Variants in C3orf20 observed in about 807,000 individuals in gnomAD.
The protein encoded by C3orf20 is uncharacterized protein C3orf20.
A neutral mutation model predicts 88.3 loss-of-function variants in C3orf20; 76 were observed. The observed-to-expected ratio is 0.86, with a 90% confidence interval of 0.72 to 1.04. The LOEUF is 1.04. Ranked by LOEUF, C3orf20 falls within the 50% of genes least tolerant of loss-of-function variation. C3orf20 has a pLI of 0.00. For missense variants in C3orf20, 1,056 were observed against 1,123.3 expected, an observed-to-expected ratio of 0.94 and a Z score of 0.86; for synonymous variants, 436 against 437.4, an observed-to-expected ratio of 1.00 and a Z score of 0.04.
Position 14,704,564 on chromosome 3 carries a change from C to T in C3orf20, c.1106C>T (p.Pro369Leu). 6.2e-7 allele frequency: 1 copy of T among 1,614,068 alleles called. No individual in the cohort carries two copies. Among genetic ancestry groups the T allele is most frequent in the Non-Finnish European group, 8.5e-7 (1 of 1,180,010 alleles). The change falls in exon 7 of 17, where the codon CCC (proline) becomes CTC (leucine). Residue 369 changes from proline to leucine, a missense_variant. Coordinates refer to ENST00000253697, the MANE Select transcript of C3orf20 (RefSeq NM_032137.5). ...FSQHCQEGKA[P>L]KKAFKFHYTF... ...CAGCATTGTCAAGAGGGGAAGGCAC[C>T]CAAGAAGGCCTTCAAGTTTCATTAC... is the stretch of plus-strand genomic sequence containing the variant.
rs916814439 is a variant in C3orf20 at position 14,695,344 on chromosome 3, C to T, written c.745+5228C>T. On this transcript the variant is annotated intron_variant, in intron 5 of 16. Coordinates refer to ENST00000253697, the MANE Select transcript of C3orf20 (RefSeq NM_032137.5). ...TCTAGTTTTATTCCATTGTGGTCAG[C>T]GAAGATGGTTGCTGTTATTTCAGGT... Among the ~76,000 whole-genome samples, 9 of 151,628 alleles carry T rather than the reference C, an allele frequency of 5.9e-5. No individual in the cohort carries two copies. The East Asian group carries it at 9.6e-4, about 16-fold the overall frequency.
At chr3:14,727,510 G>T (rs1287191150) in intron 11 of C3orf20, among the ~76,000 whole-genome samples, 1 of 151,986 alleles carries the variant, frequency 6.6e-6, no homozygotes, top group South Asian at 2.1e-4. Context: ...GGCCAGCATG[G>T]GTGGCCTCAG....
At chr3:14,681,967 G>A (rs530790864) in intron 1 of C3orf20, among the ~76,000 whole-genome samples, 11 of 152,286 alleles carry the variant, frequency 7.2e-5, no homozygotes, top group African/African-American at 2.6e-4. Flanking sequence ...ATAGTCCATT[G>A]ATTTTCAGGC....
intron 12 of C3orf20, among the ~76,000 whole-genome samples, chr3:14,754,538 G>A (rs1316929791): frequency 1.3e-5 from 2 of 152,150 alleles, no homozygotes; most frequent in Non-Finnish European, 2.9e-5. Context: ...TCTTAATTAA[G>A]CATTCCTCTG....
At chr3:14,750,668 A>T (rs1312357556) in intron 12 of C3orf20, among the ~76,000 whole-genome samples, 1 of 152,042 alleles carries the variant, frequency 6.6e-6, no homozygotes, top group Non-Finnish European at 1.5e-5. Context: ...CTCATGAGTA[A>T]TTGGCTATTA....
At chr3:14,755,295 T>A (rs184055274) in intron 12 of C3orf20, among the ~76,000 whole-genome samples, 1 of 152,340 alleles carries the variant, frequency 6.6e-6, no homozygotes, top group East Asian at 1.9e-4. Flanking sequence ...TTTTCTTTCA[T>A]GTAGTTGACT....
chr3:14,772,701 G>A lies in C3orf20; in HGVS notation c.2631-90G>A. On this transcript the variant is annotated intron_variant, in intron 16 of 16. Transcript: ENST00000253697. This position sits in a 1 kb window ranked among gnomAD's most constrained non-coding sequence, Gnocchi z 4.2. Reference sequence around the variant, plus strand: ...CAGCCTCACCTGTGCAAGGGAGAGGGCCTTGCCCCTCCTGGCCCAACCGGG... The same window carrying A: ...CAGCCTCACCTGTGCAAGGGAGAGGACCTTGCCCCTCCTGGCCCAACCGGG... The A allele has an allele frequency of 9.8e-7, 1 of 1,015,564 alleles. No individual in the cohort carries two copies. The highest frequency in any genetic ancestry group is 1.5e-6 in the Non-Finnish European group (1 of 652,246). The allele number at this position is 1,015,564 out of a possible 1,614,324, so 62.9% of individuals were successfully genotyped here. A position where few individuals can be genotyped will look rare whatever the true frequency, so the allele number is the denominator to read the frequency against.
intron 12 of C3orf20, among the ~76,000 whole-genome samples, chr3:14,729,526 A>G (rs545554907): frequency 6.6e-6 from 1 of 152,300 alleles, no homozygotes; most frequent in South Asian, 2.1e-4. Context: ...GCCATTCCAT[A>G]AGGAAGTGAC....
chr3:14,766,811 C>T (rs1025264099), intron 15 of C3orf20, among the ~76,000 whole-genome samples: 5 of 152,280 alleles, frequency 3.3e-5, no homozygotes, highest in African/African-American at 9.6e-5. Flanking sequence ...AGAGGTGGGG[C>T]GCCAGGGTAG....
intron 4 of C3orf20, among the ~76,000 whole-genome samples, chr3:14,685,718 A>G (rs919566091): frequency 1.3e-5 from 2 of 151,856 alleles, no homozygotes; most frequent in Non-Finnish European, 2.9e-5. Flanking sequence ...CTCTGCTTCT[A>G]TGAGTTTGAG....
At chr3:14,694,425 T>C (rs971082995) in intron 5 of C3orf20, among the ~76,000 whole-genome samples, 2 of 152,164 alleles carry the variant, frequency 1.3e-5, no homozygotes, top group Non-Finnish European at 2.9e-5. Context: ...ATAGGTTGTA[T>C]GTGTCTAGGA....
At chr3:14,761,666 G>A (rs1376333524) in intron 15 of C3orf20, 51 bp downstream of exon 15, 3 of 1,605,090 alleles carry the variant, frequency 1.9e-6, no homozygotes, top group Admixed American at 1.7e-5. Flanking sequence ...AGGTATGGAG[G>A]GCAGAAAGGA....
intron 12 of C3orf20, among the ~76,000 whole-genome samples, chr3:14,751,333 C>G (rs2035213197): frequency 6.6e-6 from 1 of 152,128 alleles, no homozygotes; most frequent in Non-Finnish European, 1.5e-5. Context: ...TTCTGCATTT[C>G]CAACTAAGGT....
intron 15 of C3orf20, among the ~76,000 whole-genome samples, chr3:14,769,245 G>C (rs1302927998): frequency 6.6e-6 from 1 of 151,966 alleles, no homozygotes; most frequent in African/African-American, 2.4e-5. Context: ...GCAGAGGAGG[G>C]GACCTGGGAG....
intron 15 of C3orf20, among the ~76,000 whole-genome samples, chr3:14,770,877 G>C (rs185187784): frequency 6.6e-6 from 1 of 152,328 alleles, no homozygotes; most frequent in Admixed American, 6.5e-5. Context: ...TCCCAGGGCT[G>C]CTGTGAATCT....
At chr3:14,771,250 G>A (rs6762818) in intron 15 of C3orf20, among the ~76,000 whole-genome samples, 1,954 of 152,308 alleles carry the variant, frequency 0.013, 37 homozygotes, top group African/African-American at 0.044. Flanking sequence ...CCTTGATGAC[G>A]GGCTTCCCAG....
intron 11 of C3orf20, among the ~76,000 whole-genome samples, chr3:14,727,423 CT>C (rs1362452202): frequency 6.6e-6 from 1 of 152,182 alleles, no homozygotes; most frequent in East Asian, 1.9e-4. Flanking sequence ...CTCCTCCCTT[CT>C]TTTTGTGGAT....
Position 14,768,660 on chromosome 3 carries a change from G to A in C3orf20, c.2496-3407G>A, listed in dbSNP as rs2035783400. On this transcript the variant is annotated intron_variant, in intron 15 of 16. Coordinates refer to ENST00000253697, the MANE Select transcript of C3orf20 (RefSeq NM_032137.5). The surrounding 1 kb of genome is among the most constrained non-coding windows in gnomAD (Gnocchi z 4.1). Reference sequence around the variant, plus strand: ...TAAAACTACCTCTTTTCTGGACTGGGGCCTGAGGGGGCGCTGAGTAGAGAG... The same window carrying A: ...TAAAACTACCTCTTTTCTGGACTGGAGCCTGAGGGGGCGCTGAGTAGAGAG... Among the ~76,000 whole-genome samples, 1 of 151,966 alleles carries A rather than the reference G, an allele frequency of 6.6e-6. No homozygotes were observed. Among genetic ancestry groups the A allele is most frequent in the Non-Finnish European group, 1.5e-5 (1 of 68,014 alleles).
At chr3:14,677,998 A>G (rs565899889) in intron 1 of C3orf20, among the ~76,000 whole-genome samples, 1 of 152,184 alleles carries the variant, frequency 6.6e-6, no homozygotes, top group Admixed American at 6.5e-5. Flanking sequence ...CATCAGCTAC[A>G]AGATCAAGCT....
Sources: gnomAD v4.1 joint callset for allele counts (sites outside exome capture counted in the v4.1 genomes callset) on GRCh38, gnomAD v4.1.1 for gene constraint, Gnocchi (gnomAD v3.1) non-coding constraint, MANE v1.5 for transcripts, NCBI Gene and HGNC (gene_info 2026-07-23, HGNC 2026-07-21) for gene names.